SH3PXD2B: variants seen among roughly 807,000 people sequenced by gnomAD.
SH3PXD2B encodes the protein SH3 and PX domain-containing protein 2B.
Under a neutral mutation model 73.1 loss-of-function variants are expected in SH3PXD2B, and 37 were observed. The ratio of observed to expected loss-of-function variants is 0.51; its 90% CI spans 0.39 to 0.67. The LOEUF is 0.67. Among genes scored for constraint, SH3PXD2B ranks in the 30% least tolerant of loss-of-function variants. The pLI, the probability that SH3PXD2B is intolerant of heterozygous loss-of-function variation, is 0.00. For synonymous variants in SH3PXD2B, 457 were observed against 480.5 expected (o/e 0.95, Z 0.64); for missense variants, 1,053 against 1,197.8 (o/e 0.88, Z 1.78).
intron 1 of SH3PXD2B, among the ~76,000 whole-genome samples, chr5:172,439,692 G>GCGCGCACACACACACACACACACACACA (rs1554087696): frequency 7.2e-6 from 1 of 138,542 alleles, no homozygotes; most frequent in African/African-American, 2.8e-5. Flanking sequence ...GCACGCGCGC[G>GCGCGCACACACACACACACACACACACA]CACACACACA....
intron 1 of SH3PXD2B, among the ~76,000 whole-genome samples, chr5:172,426,293 G>A (rs1759095723): frequency 6.6e-6 from 1 of 152,192 alleles, no homozygotes. Flanking sequence ...CCTGGGTTTG[G>A]GGGCTGGTGA....
At chr5:172,330,433 A>T (rs1319740403), downstream of SH3PXD2B, among the ~76,000 whole-genome samples, 1 of 152,252 alleles carries the variant, frequency 6.6e-6, no homozygotes, top group Non-Finnish European at 1.5e-5. Flanking sequence ...TCCAGAGTTT[A>T]TTACATGAAA....
At chr5:172,344,878 T>A (rs991797815) in intron 12 of SH3PXD2B, among the ~76,000 whole-genome samples, 2 of 151,670 alleles carry the variant, frequency 1.3e-5, no homozygotes, top group African/African-American at 4.9e-5. Flanking sequence ...ATGTTGTGCC[T>A]GGTGGAGCTG....
intron 3 of SH3PXD2B, among the ~76,000 whole-genome samples, chr5:172,404,842 C>A (rs544146509): frequency 6.6e-6 from 1 of 152,300 alleles, no homozygotes; most frequent in East Asian, 1.9e-4. Context: ...GATTGGAACC[C>A]AGGTTGTCTG....
chr5:172,371,171 T>G (rs1046204226), intron 6 of SH3PXD2B, among the ~76,000 whole-genome samples: 1 of 152,218 alleles, frequency 6.6e-6, no homozygotes, highest in Non-Finnish European at 1.5e-5. Flanking sequence ...ATTTTTAAGA[T>G]GAAGGGTAAA....
Position 172,381,496 on chromosome 5 carries a change from T to C in SH3PXD2B, c.401+540A>G, listed in dbSNP as rs955434262. On this transcript the variant is annotated intron_variant, in intron 5 of 12. Transcript: ENST00000311601. The stretch of plus-strand genomic sequence containing the variant: ...ACTGTGTGGCTGGGGCTGCTGGCTG[T>C]GTAGCGACAGGCGTCTGGGCAAGTG... Among the ~76,000 whole-genome samples the C allele has an allele frequency of 7.9e-5, 12 of 152,226 alleles. No homozygotes were observed. The South Asian group carries it at 1.9e-3, about 24-fold the overall frequency.
intron 4 of SH3PXD2B, among the ~76,000 whole-genome samples, chr5:172,385,463 A>G (rs1758039400): frequency 6.6e-6 from 1 of 152,136 alleles, no homozygotes; most frequent in African/African-American, 2.4e-5. Flanking sequence ...GCAAACCTCT[A>G]CCTTAAATCC....
At chr5:172,349,646 G>C (rs572272871) in intron 10 of SH3PXD2B, among the ~76,000 whole-genome samples, 3 of 152,132 alleles carry the variant, frequency 2.0e-5, no homozygotes, top group Non-Finnish European at 4.4e-5. Context: ...CTAGCTGGGG[G>C]CCTTGGGCAC....
At chr5:172,356,890 T>G (rs1191345999) in intron 8 of SH3PXD2B, 5 of 152,352 alleles carry the variant, frequency 3.3e-5, no homozygotes, top group African/African-American at 1.2e-4. Context: ...GAGCATTACC[T>G]CTGAGTCTAA....
intron 6 of SH3PXD2B, among the ~76,000 whole-genome samples, chr5:172,367,348 C>T (rs1757552392): frequency 6.6e-6 from 1 of 151,122 alleles, no homozygotes. Context: ...TGTGAAAACC[C>T]TCTGTGGCCT....
intron 1 of SH3PXD2B, among the ~76,000 whole-genome samples, chr5:172,452,254 G>C (rs1350147440): frequency 2.0e-5 from 3 of 152,142 alleles, no homozygotes; most frequent in Admixed American, 6.5e-5. Flanking sequence ...TTTTAACATA[G>C]AAACTTGTCT....
intron 4 of SH3PXD2B, among the ~76,000 whole-genome samples, chr5:172,393,630 G>A (rs943273881): frequency 1.8e-4 from 27 of 152,196 alleles, no homozygotes; most frequent in African/African-American, 6.5e-4. Context: ...TTCCTGATCT[G>A]AGGGGGAGAT....
chr5:172,368,464 T>TA lies in SH3PXD2B; in HGVS notation c.427+5325dup, dbSNP rs1331530891. ...GGAGCTAAGAATGCTTATATATATA[T>TA]ATATTATATATATATATAAAATATA... On this transcript the variant is annotated intron_variant, in intron 6 of 12. Coordinates refer to ENST00000311601, the MANE Select transcript of SH3PXD2B (RefSeq NM_001017995.3). Among the ~76,000 whole-genome samples, 3 of 43,120 alleles carry TA rather than the reference T, an allele frequency of 7.0e-5. 1 individual carries two copies. The highest frequency in any genetic ancestry group is 3.8e-4 in the African/African-American group (3 of 7,980). The allele number at this position is 43,120 out of a possible 152,430, so 28.3% of individuals were successfully genotyped here. A position where few individuals can be genotyped will look rare whatever the true frequency, so the allele number is the denominator to read the frequency against.
chr5:172,347,057 T>A (rs775451381), intron 11 of SH3PXD2B, among the ~76,000 whole-genome samples: 10 of 152,196 alleles, frequency 6.6e-5, no homozygotes, highest in Non-Finnish European at 1.5e-4. Flanking sequence ...GAGGCCCAAC[T>A]GTCACAGGAG....
chr5:172,328,670 C>G (rs1353461293), downstream of SH3PXD2B, among the ~76,000 whole-genome samples: 1 of 152,030 alleles, frequency 6.6e-6, no homozygotes, highest in African/African-American at 2.4e-5. Flanking sequence ...GTCATGGTGT[C>G]TCAAGCTTGA....
At chr5:172,435,024 A>G (rs1272092169) in intron 1 of SH3PXD2B, among the ~76,000 whole-genome samples, 1 of 152,092 alleles carries the variant, frequency 6.6e-6, no homozygotes, top group African/African-American at 2.4e-5. Flanking sequence ...AGCTCAGGCA[A>G]TCCACCCTCC....
intron 1 of SH3PXD2B, among the ~76,000 whole-genome samples, chr5:172,447,504 T>G (rs1020586998): frequency 2.0e-5 from 3 of 152,208 alleles, no homozygotes; most frequent in African/African-American, 7.2e-5. Flanking sequence ...TAGTTTACCA[T>G]TATCAAACCT....
At chr5:172,362,520 AC>A (rs2113321739) in intron 7 of SH3PXD2B, among the ~76,000 whole-genome samples, 1 of 152,304 alleles carries the variant, frequency 6.6e-6, no homozygotes, top group Admixed American at 6.5e-5. Flanking sequence ...ACAAATCGGT[AC>A]CATCTGAGCC....
In SH3PXD2B at chr5:172,346,810, G is replaced by A. The variant is rs535004840; in HGVS notation, c.1062+473C>T. Among the ~76,000 whole-genome samples, 59 of 151,926 alleles carry A rather than the reference G, an allele frequency of 3.9e-4. 1 individual carries two copies. The South Asian group carries it at 0.011, about 28-fold the overall frequency. On this transcript the variant is annotated intron_variant, in intron 11 of 12. Coordinates refer to ENST00000311601, the MANE Select transcript of SH3PXD2B (RefSeq NM_001017995.3). The stretch of plus-strand genomic sequence containing the variant: ...TACAACCCCAAAAGAGCAAGACCCC[G>A]TCTCAAAAACCAATGCAAACAAATA...
Sources: gnomAD v4.1 joint callset for allele counts (sites outside exome capture counted in the v4.1 genomes callset) on GRCh38, gnomAD v4.1.1 for gene constraint, MANE v1.5 for transcripts, NCBI Gene and HGNC (gene_info 2026-07-23, HGNC 2026-07-21) for gene names.